KAZN: variants seen among roughly 807,000 people sequenced by gnomAD.
The protein encoded by KAZN is kazrin, periplakin interacting protein.
A neutral mutation model predicts 87.4 loss-of-function variants in KAZN; 40 were observed. The observed-to-expected ratio is 0.46, with a 90% CI of 0.36 to 0.60. The LOEUF (loss-of-function observed/expected upper bound fraction) is 0.60, where lower values mean the gene tolerates loss of function less well. Among genes scored for constraint, KAZN ranks in the 20% least tolerant of loss-of-function variants. The pLI, the probability that KAZN is intolerant of heterozygous loss-of-function variation, is 0.00. For missense variants in KAZN, 898 were observed against 1,073.9 expected (o/e 0.84, Z 2.29); for synonymous variants, 466 against 458.3 (o/e 1.02, Z -0.22).
chr1:14,786,889 T>C (rs1645524956), intron 1 of KAZN, among the ~76,000 whole-genome samples: 1 of 152,196 alleles, frequency 6.6e-6, no homozygotes, highest in African/African-American at 2.4e-5. Flanking sequence ...GAAGGGCCAT[T>C]AGAAGAAATG....
intron 1 of KAZN, among the ~76,000 whole-genome samples, chr1:14,815,005 G>A (rs138288624): frequency 1.1e-4 from 16 of 152,280 alleles, no homozygotes; most frequent in Non-Finnish European, 1.8e-4. Context: ...CCCAGTGGAA[G>A]GCAATGAGTG....
chr1:14,463,779 G>GTA (rs1191501321), intron 2 of KAZN, among the ~76,000 whole-genome samples: 2 of 152,068 alleles, frequency 1.3e-5, no homozygotes, highest in Non-Finnish European at 2.9e-5. Flanking sequence ...AAAATGTGGG[G>GTA]TACATATCAG....
At chr1:14,002,300 T>C (rs1236573490) in intron 1 of KAZN, among the ~76,000 whole-genome samples, 1 of 152,162 alleles carries the variant, frequency 6.6e-6, no homozygotes, top group East Asian at 1.9e-4. Context: ...CACACAAATC[T>C]CAACTTGAGT....
intron 1 of KAZN, among the ~76,000 whole-genome samples, chr1:14,817,824 A>G (rs1646618132): frequency 6.6e-6 from 1 of 152,142 alleles, no homozygotes. Context: ...TATATAGGAG[A>G]ATTTAGCCTT....
intron 2 of KAZN, among the ~76,000 whole-genome samples, chr1:14,355,925 T>C (rs1339878239): frequency 3.3e-5 from 5 of 152,224 alleles, no homozygotes; most frequent in Admixed American, 2.6e-4. Flanking sequence ...GAATGACTTA[T>C]AATACTTTGG....
intron 2 of KAZN, among the ~76,000 whole-genome samples, chr1:14,370,909 T>G (rs1660426963): frequency 6.6e-6 from 1 of 152,134 alleles, no homozygotes; most frequent in African/African-American, 2.4e-5. Context: ...GATTTCAAAC[T>G]CCTGGGCTCA....
At chr1:14,811,570 G>T (rs146331789) in intron 1 of KAZN, among the ~76,000 whole-genome samples, 2 of 152,312 alleles carry the variant, frequency 1.3e-5, no homozygotes, top group African/African-American at 4.8e-5. Context: ...AGTTCGCAAA[G>T]ATTTTTTTGC....
In KAZN at chr1:15,056,713, C is replaced by T. The variant is rs551966893; in HGVS notation, c.916+433C>T. 8.5e-5 allele frequency among the ~76,000 whole-genome samples: 13 copies of T among 152,288 alleles called. No individual in the cohort carries two copies. In the South Asian group the frequency reaches 2.1e-3, roughly 24 times the overall value. ...TCAGAGTCACATGGGCATCCTTTGG[C>T]AGGGGAGGCAGCAGAACTCCTTGAT... is the stretch of plus-strand genomic sequence containing the variant. On this transcript the variant is annotated intron_variant, in intron 5 of 14. Coordinates refer to ENST00000376030, the MANE Select transcript of KAZN (RefSeq NM_201628.3). This position sits in a 1 kb window ranked among gnomAD's most constrained non-coding sequence, Gnocchi z 5.4.
chr1:14,836,659 A>C (rs1416378226), intron 1 of KAZN, among the ~76,000 whole-genome samples: 1 of 151,398 alleles, frequency 6.6e-6, no homozygotes, highest in African/African-American at 2.4e-5. Context: ...AGGCTCCCCA[A>C]CTCCCACCTC....
At chr1:14,376,145 T>C (rs544329428) in intron 2 of KAZN, among the ~76,000 whole-genome samples, 7 of 152,326 alleles carry the variant, frequency 4.6e-5, no homozygotes, top group African/African-American at 1.7e-4. Context: ...TCCCATTTCC[T>C]GTGGGAATGT....
At chr1:14,603,465 C>CA (rs879772986) in intron 1 of KAZN, among the ~76,000 whole-genome samples, 1 of 152,214 alleles carries the variant, frequency 6.6e-6, no homozygotes, top group Admixed American at 6.5e-5. Context: ...AGATTACTTA[C>CA]AGATCAGTAC....
In KAZN at chr1:14,921,264, G is replaced by C. The variant is rs572858436; in HGVS notation, c.227-39420G>C. Among the ~76,000 whole-genome samples the C allele has an allele frequency of 3.3e-5, 5 of 152,184 alleles. No homozygotes were observed. In the South Asian group the frequency reaches 1.0e-3, roughly 32 times the overall value. On this transcript the variant is annotated intron_variant, in intron 1 of 14. Transcript: ENST00000376030. ...TTCCCCAGGGTTGTGGCCTTACGAA[G>C]CAGCTTGGATGACTGAAAAGTAACT...
intron 1 of KAZN, among the ~76,000 whole-genome samples, chr1:13,927,532 C>T (rs1183674447): frequency 1.3e-5 from 2 of 152,242 alleles, no homozygotes; most frequent in East Asian, 3.9e-4. Context: ...GACCTATGTC[C>T]AAATCCCAAC....
At chr1:14,979,194 G>A (rs540285236) in intron 2 of KAZN, among the ~76,000 whole-genome samples, 37 of 152,056 alleles carry the variant, frequency 2.4e-4, no homozygotes, top group Non-Finnish European at 4.4e-4. Flanking sequence ...AGCGGATCAC[G>A]AGGTGAGGAG....
chr1:14,862,143 C>T (rs1252936958), intron 1 of KAZN, among the ~76,000 whole-genome samples: 1 of 152,194 alleles, frequency 6.6e-6, no homozygotes, highest in Non-Finnish European at 1.5e-5. Flanking sequence ...GAAACAGTCC[C>T]CCTCCTCTCA....
At chr1:15,095,082 G>A (rs1039721605) in intron 10 of KAZN, 149 bp downstream of exon 10, 4 of 628,390 alleles carry the variant, frequency 6.4e-6, no homozygotes, top group Non-Finnish European at 1.1e-5. Context: ...GGATGCCCCT[G>A]ATGAGGGGGC....
chr1:14,020,805 CATTT>C (rs1640789262), intron 1 of KAZN, among the ~76,000 whole-genome samples: 1 of 152,164 alleles, frequency 6.6e-6, no homozygotes, highest in Non-Finnish European at 1.5e-5. Flanking sequence ...GAAAGTAAAA[CATTT>C]AGTCCATCTT....
chr1:14,613,727 T>C (rs1677995244), intron 1 of KAZN, among the ~76,000 whole-genome samples: 2 of 152,216 alleles, frequency 1.3e-5, no homozygotes, highest in South Asian at 4.1e-4. Context: ...ATTTTGGACT[T>C]CTCGTCACCT....
intron 1 of KAZN, among the ~76,000 whole-genome samples, chr1:14,161,124 A>G (rs1046431514): frequency 3.3e-5 from 5 of 152,260 alleles, no homozygotes; most frequent in African/African-American, 1.2e-4. Context: ...TAGAAGATGG[A>G]GTCTTGTCAG....
Sources: allele counts gnomAD v4.1 joint callset (sites outside exome capture counted in the v4.1 genomes callset), GRCh38; gene constraint gnomAD v4.1.1; non-coding constraint Gnocchi (gnomAD v3.1); transcripts MANE v1.5; gene names NCBI Gene and HGNC (gene_info 2026-07-23, HGNC 2026-07-21).